The following SLC35D1 variants were observed in gnomAD, a reference collection of about 807,000 sequenced individuals.
SLC35D1 encodes solute carrier family 35 member D1, also known as nucleotide sugar transporter SLC35D1.
A neutral mutation model predicts 46.7 loss-of-function variants in SLC35D1; 31 were observed. The ratio of observed to expected loss-of-function variants is 0.66; its 90% CI spans 0.50 to 0.90. The LOEUF (loss-of-function observed/expected upper bound fraction) is 0.90, where lower values mean the gene tolerates loss of function less well. Among genes scored for constraint, SLC35D1 ranks in the 40% least tolerant of loss-of-function variants. The pLI is 0.00. For missense variants in SLC35D1, 397 were observed against 426.2 expected (o/e 0.93, Z 0.60); for synonymous variants, 195 against 164.6 (o/e 1.18, Z -1.41).
the SLC35D1 span, among the ~76,000 whole-genome samples, chr1:66,984,130 G>A: frequency 1.3e-5 from 2 of 152,208 alleles, no homozygotes; most frequent in African/African-American, 4.8e-5. Flanking sequence ...TAAAGAAAGA[G>A]CATTCATCTT....
chr1:67,041,399 T>G (rs1169930004), intron 8 of SLC35D1, among the ~76,000 whole-genome samples: 1 of 152,182 alleles, frequency 6.6e-6, no homozygotes, highest in Non-Finnish European at 1.5e-5. Flanking sequence ...CAAGAACAAT[T>G]TAATAGTCCA....
At chr1:67,042,907 T>C (rs540868691) in intron 7 of SLC35D1, among the ~76,000 whole-genome samples, 6 of 150,750 alleles carry the variant, frequency 4.0e-5, no homozygotes, top group Admixed American at 3.9e-4. Flanking sequence ...CTACAAAAAA[T>C]ACAAAAACAG....
At chr1:67,025,693 A>T (rs190623513) in intron 8 of SLC35D1, among the ~76,000 whole-genome samples, 1 of 152,340 alleles carries the variant, frequency 6.6e-6, no homozygotes, top group East Asian at 1.9e-4. Context: ...TCTAATTAAT[A>T]AACATAAAAA....
downstream of SLC35D1, among the ~76,000 whole-genome samples, chr1:66,997,788 T>A (rs535857846): frequency 6.8e-6 from 1 of 147,466 alleles, no homozygotes; most frequent in African/African-American, 2.5e-5. Context: ...AATTTAATAA[T>A]ATAAATATTG....
intron 10 of SLC35D1, among the ~76,000 whole-genome samples, chr1:67,014,885 A>G (rs1667649712): frequency 6.6e-6 from 1 of 151,386 alleles, no homozygotes; most frequent in Non-Finnish European, 1.5e-5. Context: ...TGTCCTCCCT[A>G]GCCCAACCAT....
intron 8 of SLC35D1, among the ~76,000 whole-genome samples, chr1:67,028,516 CTCA>C (rs991885535): frequency 6.6e-6 from 1 of 152,140 alleles, no homozygotes; most frequent in Non-Finnish European, 1.5e-5. Flanking sequence ...TTGGAGCTCT[CTCA>C]TCAAGAATAT....
At chr1:66,994,204 T>C in the SLC35D1 span, among the ~76,000 whole-genome samples, 1 of 152,188 alleles carries the variant, frequency 6.6e-6, no homozygotes, top group African/African-American at 2.4e-5. Context: ...ACGACTCCGG[T>C]GAGATGATTA....
downstream of SLC35D1, among the ~76,000 whole-genome samples, chr1:66,997,537 T>TATATATATAA (rs1247400741): frequency 1.1e-3 from 149 of 133,306 alleles, 4 homozygotes; most frequent in East Asian, 0.014. Context: ...TATATATATA[T>TATATATATAA]AACCCCTTTA....
chr1:66,978,275 C>G, the SLC35D1 span, among the ~76,000 whole-genome samples: 1 of 143,822 alleles, frequency 7.0e-6, no homozygotes, highest in Non-Finnish European at 1.6e-5. Context: ...GTTTCTTGAT[C>G]AAGTTCATTT....
rs750007283 is a variant in SLC35D1 at position 67,042,263 on chromosome 1, A to C, written c.702T>G (p.Ile234Met). The C allele has an allele frequency of 6.2e-7, 1 of 1,614,188 alleles. No individual in the cohort carries two copies. The highest frequency in any genetic ancestry group is 8.5e-7 in the Non-Finnish European group (1 of 1,180,012). ...ALFMILPTLA[I>M]AYFTGDAQKA... The stretch of plus-strand genomic sequence containing the variant: ...TTTGTGCATCTCCTGTGAAATACGC[A>C]ATGGCCAGGGTGGGCAGAATCATGA... The change falls in exon 8 of 12, where the codon ATT becomes ATG. Residue 234 changes from isoleucine to methionine, a missense_variant. Ile to Met is a conservative substitution (Grantham distance 10). Transcript: ENST00000235345.
At chr1:67,038,332 GCAGA>G (rs1352921024) in intron 8 of SLC35D1, among the ~76,000 whole-genome samples, 8 of 152,098 alleles carry the variant, frequency 5.3e-5, no homozygotes, top group Non-Finnish European at 8.8e-5. Context: ...ACACTTCCAG[GCAGA>G]CAATTTGTGC....
the SLC35D1 span, chr1:66,986,059 G>T: frequency 9.8e-7 from 1 of 1,015,700 alleles, no homozygotes; most frequent in Non-Finnish European, 1.2e-6. Context: ...AACAGAGGAG[G>T]GGGGTCAAGT....
At chr1:67,032,526 C>A (rs576809964) in intron 8 of SLC35D1, among the ~76,000 whole-genome samples, 2 of 152,010 alleles carry the variant, frequency 1.3e-5, no homozygotes, top group Non-Finnish European at 1.5e-5. Context: ...ACGAAAAATA[C>A]AAAAATTAGC....
At chr1:67,015,779 A>C (rs1160354129) in intron 10 of SLC35D1, among the ~76,000 whole-genome samples, 1 of 152,200 alleles carries the variant, frequency 6.6e-6, no homozygotes, top group African/African-American at 2.4e-5. Context: ...TACAAAAAAG[A>C]GGGGGTAGAG....
At chr1:67,023,705 C>T (rs1320876619) in intron 8 of SLC35D1, among the ~76,000 whole-genome samples, 5 of 151,374 alleles carry the variant, frequency 3.3e-5, no homozygotes, top group Admixed American at 1.3e-4. Flanking sequence ...AGGCTGGTCA[C>T]GAACTCCTGA....
At chr1:67,021,444 A>T in intron 9 of SLC35D1, 91 bp downstream of exon 9, 1 of 1,324,492 alleles carries the variant, frequency 7.6e-7, no homozygotes, top group Non-Finnish European at 1.1e-6. Flanking sequence ...CACACTCAGG[A>T]GACCTAAAGA....
Position 67,054,137 on chromosome 1 carries a change from G to C in SLC35D1, c.-124C>G. ...AGGCCAGCTGCGCGCTCGCCGCCTC[G>C]ACTCCCCGCTTGGCCGCCGCCTGTC... On this transcript the variant is annotated 5_prime_UTR_variant, in exon 1 of 12. Transcript: ENST00000235345. The C allele has an allele frequency of 1.1e-6, 1 of 943,140 alleles. No individual in the cohort carries two copies. Among genetic ancestry groups the C allele is most frequent in the East Asian group, 2.7e-5 (1 of 37,078 alleles). 58.4% of individuals were successfully genotyped at this position (943,140 alleles called of 1,614,324 possible).
chr1:66,973,757 T>C, the SLC35D1 span, among the ~76,000 whole-genome samples: 1 of 152,116 alleles, frequency 6.6e-6, no homozygotes. Flanking sequence ...TCTTGGAGAT[T>C]AAATGTAGGA....
intron 10 of SLC35D1, among the ~76,000 whole-genome samples, chr1:67,017,415 C>G (rs1164144619): frequency 7.2e-5 from 11 of 152,136 alleles, no homozygotes; most frequent in Non-Finnish European, 1.5e-5. Context: ...TCCAAACTAA[C>G]ATTTTCAAAT....
Sources: allele counts gnomAD v4.1 joint callset (sites outside exome capture counted in the v4.1 genomes callset), GRCh38; gene constraint gnomAD v4.1.1; transcripts MANE v1.5; gene names NCBI Gene and HGNC (gene_info 2026-07-23, HGNC 2026-07-21).